The following RUNDC3B variants were observed in gnomAD, a reference collection of about 807,000 sequenced individuals.
The protein encoded by RUNDC3B is RUN domain containing 3B, also known as RUN domain-containing protein 3B.
A neutral mutation model predicts 58.4 loss-of-function variants in RUNDC3B; 33 were observed. That is an observed-to-expected ratio of 0.56 (90% CI 0.43 to 0.75). The LOEUF (loss-of-function observed/expected upper bound fraction) is 0.75. Ranked by LOEUF, RUNDC3B falls within the 30% of genes least tolerant of loss-of-function variation. The pLI is 0.00. For missense variants in RUNDC3B, 501 were observed against 535.7 expected (o/e 0.94, Z 0.64); for synonymous variants, 193 against 195.2 (o/e 0.99, Z 0.10).
chr7:87,824,369 A>G (rs1837676645), intron 10 of RUNDC3B, among the ~76,000 whole-genome samples: 1 of 152,166 alleles, frequency 6.6e-6, no homozygotes, highest in African/African-American at 2.4e-5. Context: ...TCCCTGCACA[A>G]GCTCTCTTGT....
chr7:87,739,363 C>T (rs1832177316), intron 4 of RUNDC3B, among the ~76,000 whole-genome samples: 1 of 151,984 alleles, frequency 6.6e-6, no homozygotes, highest in Non-Finnish European at 1.5e-5. Context: ...AAAAACAGAA[C>T]TTAATTTTAT....
chr7:87,642,348 G>T (rs148520265), intron 1 of RUNDC3B, among the ~76,000 whole-genome samples: 192 of 152,004 alleles, frequency 1.3e-3, no homozygotes, highest in Non-Finnish European at 1.8e-3. Context: ...TCTTCACGTT[G>T]TTCTATTGCT....
At chr7:87,726,995 G>T (rs1216717497) in intron 4 of RUNDC3B, among the ~76,000 whole-genome samples, 1 of 152,180 alleles carries the variant, frequency 6.6e-6, no homozygotes, top group East Asian at 1.9e-4. Flanking sequence ...GGGCTGAGAT[G>T]ATGGGGTTTT....
At chr7:87,669,617 T>C (rs1447535947) in intron 2 of RUNDC3B, among the ~76,000 whole-genome samples, 1 of 152,210 alleles carries the variant, frequency 6.6e-6, no homozygotes, top group African/African-American at 2.4e-5. Context: ...TATTGGTCTT[T>C]CCTTTCTATA....
At chr7:87,807,182 A>T (rs1396561439) in intron 8 of RUNDC3B, among the ~76,000 whole-genome samples, 191 bp from the exon 9 acceptor site, 1 of 152,194 alleles carries the variant, frequency 6.6e-6, no homozygotes, top group Non-Finnish European at 1.5e-5. Flanking sequence ...CAGCGGAAAA[A>T]AAATGAAGAA....
intron 3 of RUNDC3B, among the ~76,000 whole-genome samples, chr7:87,703,885 CTTTTTTTTTTT>C: frequency 1.7e-5 from 1 of 60,282 alleles, no homozygotes; most frequent in Non-Finnish European, 3.2e-5. Context: ...TCAGTTTTTT[CTTTTTTTTTTT>C]TTTTTTTTTT....
chr7:87,739,820 T>C lies in RUNDC3B; in HGVS notation c.488T>C (p.Leu163Ser), dbSNP rs112713410. 6.3e-7 allele frequency: 1 copy of C among 1,594,492 alleles called. No homozygotes were observed. Among genetic ancestry groups the C allele is most frequent in the African/African-American group, 1.3e-5 (1 of 74,694 alleles). Residue 163 changes from leucine to serine, a missense_variant, in exon 5 of 11, where the codon TTG (leucine) becomes TCG (serine). Physicochemically the swap from Leu to Ser is moderately radical, Grantham distance 145. Coordinates refer to ENST00000394654, the MANE Select transcript of RUNDC3B (RefSeq NM_001134405.2). ...RRFYEDGAIV[L>S]GEEANMLAGM... ...TTTTATGAAGATGGAGCAATTGTCT[T>C]GGGTGAAGAAGCAAATATGCTTGCT...
In RUNDC3B at chr7:87,777,818, A is replaced by G; in HGVS notation, c.819A>G (p.Leu273=). The G allele has an allele frequency of 6.2e-7, 1 of 1,613,678 alleles. No individual in the cohort carries two copies. Among genetic ancestry groups the G allele is most frequent in the Admixed American group, 1.7e-5 (1 of 59,956 alleles). Residue 273 remains leucine (L), a synonymous_variant, in exon 8 of 11, where the codon TTA becomes TTG. Transcript: ENST00000394654. The part of the protein sequence containing the change: ...LEQKGYLEEL[L]RLRENQLSES... Reference sequence around the variant, plus strand: ...TCCAGGGTTACCTTGAAGAACTCTTACGACTTCGAGAGAACCAACTATCTG... The same window carrying G: ...TCCAGGGTTACCTTGAAGAACTCTTGCGACTTCGAGAGAACCAACTATCTG...
intron 10 of RUNDC3B, among the ~76,000 whole-genome samples, chr7:87,823,177 A>T (rs1837587147): frequency 6.6e-6 from 1 of 152,126 alleles, no homozygotes; most frequent in African/African-American, 2.4e-5. Context: ...CAGATCTATT[A>T]CCAAAGTTAT....
intron 4 of RUNDC3B, among the ~76,000 whole-genome samples, chr7:87,732,080 G>A (rs987187379): frequency 5.3e-5 from 8 of 151,898 alleles, no homozygotes; most frequent in Non-Finnish European, 8.8e-5. Flanking sequence ...ACTACAAGGC[G>A]GTAAAACTAG....
At chr7:87,698,508 T>TGCAAAA (rs1828712313) in intron 2 of RUNDC3B, among the ~76,000 whole-genome samples, 3 of 152,242 alleles carry the variant, frequency 2.0e-5, no homozygotes, top group Non-Finnish European at 2.9e-5. Context: ...ATATTTGATG[T>TGCAAAA]TTGTAATCTA....
intron 10 of RUNDC3B, among the ~76,000 whole-genome samples, chr7:87,818,732 T>C (rs1287312608): frequency 2.0e-5 from 3 of 152,104 alleles, no homozygotes; most frequent in Admixed American, 6.5e-5. Flanking sequence ...AATTAAACTG[T>C]GCAAAAGAAG....
chr7:87,775,821 A>G (rs1834590065), intron 7 of RUNDC3B, among the ~76,000 whole-genome samples: 1 of 152,200 alleles, frequency 6.6e-6, no homozygotes, highest in Non-Finnish European at 1.5e-5. Context: ...AGGCTATACC[A>G]TCTAGCCTAG....
At chr7:87,759,548 G>A (rs573805261) in intron 6 of RUNDC3B, among the ~76,000 whole-genome samples, 1 of 152,226 alleles carries the variant, frequency 6.6e-6, no homozygotes, top group Admixed American at 6.6e-5. Flanking sequence ...TATAATCCCA[G>A]TACTTTGGGA....
intron 2 of RUNDC3B, among the ~76,000 whole-genome samples, chr7:87,688,560 A>G (rs996930219): frequency 1.3e-5 from 2 of 152,006 alleles, no homozygotes; most frequent in Admixed American, 6.6e-5. Flanking sequence ...TAATTTTTAT[A>G]TAAACCCATT....
chr7:87,828,344 C>G (rs759860135), intron 10 of RUNDC3B, among the ~76,000 whole-genome samples: 6 of 152,068 alleles, frequency 3.9e-5, no homozygotes, highest in Non-Finnish European at 5.9e-5. Flanking sequence ...TAGTACCCAA[C>G]AGGTAGTTTT....
chr7:87,740,922 A>G (rs1446645172), intron 5 of RUNDC3B, among the ~76,000 whole-genome samples: 1 of 152,134 alleles, frequency 6.6e-6, no homozygotes, highest in Admixed American at 6.6e-5. Context: ...AAAAAAAACA[A>G]GGCCAGGCGC....
chr7:87,711,728 C>A (rs1236592868), intron 4 of RUNDC3B, among the ~76,000 whole-genome samples: 1 of 152,132 alleles, frequency 6.6e-6, no homozygotes, highest in Non-Finnish European at 1.5e-5. Context: ...TGCTGTATCA[C>A]ATTTCAGATG....
chr7:87,780,100 G>C (rs748984384), intron 8 of RUNDC3B, among the ~76,000 whole-genome samples: 26 of 152,162 alleles, frequency 1.7e-4, no homozygotes, highest in Non-Finnish European at 2.8e-4. Flanking sequence ...ACATAGGAGT[G>C]CATGTCTATT....
Sources: gnomAD v4.1 joint callset for allele counts (sites outside exome capture counted in the v4.1 genomes callset) on GRCh38, gnomAD v4.1.1 for gene constraint, MANE v1.5 for transcripts, NCBI Gene and HGNC (gene_info 2026-07-23, HGNC 2026-07-21) for gene names.